EIF2S2: variants seen among roughly 807,000 people sequenced by gnomAD.
EIF2S2 encodes eukaryotic translation initiation factor 2 subunit beta.
A neutral mutation model predicts 44.0 loss-of-function variants in EIF2S2; 4 were observed. The observed-to-expected ratio is 0.09, with a 90% confidence interval of 0.04 to 0.21. EIF2S2 has a LOEUF of 0.21. EIF2S2 is among the 10% of genes least tolerant of loss of function. The pLI is 1.00. For missense variants in EIF2S2, 154 were observed against 392.0 expected (o/e 0.39, Z 5.13); for synonymous variants, 108 against 128.3 (o/e 0.84, Z 1.07).
At chr20:34,097,626 A>G (rs2034245702) in intron 4 of EIF2S2, 110 bp from the exon 5 acceptor site, 14 of 777,342 alleles carry the variant, frequency 1.8e-5, no homozygotes, top group Non-Finnish European at 2.7e-5. Context: ...TCCCTTCCAC[A>G]GCTGCATTCA....
At chr20:34,106,919 C>T (rs572300886) in intron 1 of EIF2S2, among the ~76,000 whole-genome samples, 3 of 152,312 alleles carry the variant, frequency 2.0e-5, no homozygotes, top group Admixed American at 6.5e-5. Context: ...CGGTGGCTCA[C>T]GCCTGTAATC....
intron 1 of EIF2S2, among the ~76,000 whole-genome samples, chr20:34,109,733 C>G (rs6142100): frequency 0.42 from 64,329 of 151,462 alleles, 16,314 homozygotes; most frequent in South Asian, 0.64. Flanking sequence ...TATGTTTTGG[C>G]AAGTTTCTGG....
intron 6 of EIF2S2, among the ~76,000 whole-genome samples, chr20:34,095,604 G>A (rs1014130977): frequency 1.3e-5 from 2 of 152,102 alleles, no homozygotes; most frequent in African/African-American, 4.8e-5. Context: ...GAGCTACTGC[G>A]CCCAGCAGTT....
In EIF2S2 at chr20:34,098,581, A is replaced by G; in HGVS notation, c.350T>C (p.Leu117Pro). ...CTTTTTATTGCCAAGCATAATGTCA[A>G]GGTCATCCTCTGGTTCAGTTGGTTC... The part of the protein sequence containing the change: ...VQEPTEPEDD[L>P]DIMLGNKKKK... The change falls in exon 4 of 9, where the codon CTT (leucine) becomes CCT (proline). Residue 117 changes from leucine (L) to proline (P), a missense_variant. This residue lies in a region of EIF2S2 where 134 missense variants were observed against 225.0 expected (regional missense o/e 0.60). Transcript: ENST00000374980. The G allele has an allele frequency of 6.2e-7, 1 of 1,614,026 alleles. No homozygotes were observed. Among genetic ancestry groups the G allele is most frequent in the Non-Finnish European group, 8.5e-7 (1 of 1,180,006 alleles).
chr20:34,112,029 C>G, intron 1 of EIF2S2, 67 bp downstream of exon 1: 1 of 1,345,534 alleles, frequency 7.4e-7, no homozygotes. Flanking sequence ...GGCCCGTTCT[C>G]CCACACTGGA....
chr20:34,093,434 T>C (rs999005897), intron 7 of EIF2S2, among the ~76,000 whole-genome samples: 1 of 152,238 alleles, frequency 6.6e-6, no homozygotes, highest in African/African-American at 2.4e-5. Flanking sequence ...AGTCTAAACA[T>C]GGCAGTTCTG....
intron 5 of EIF2S2, 137 bp from the exon 6 acceptor site, chr20:34,096,942 C>T: frequency 1.0e-6 from 1 of 962,074 alleles, no homozygotes; most frequent in Non-Finnish European, 1.6e-6. Context: ...AGTCTGGGAG[C>T]TCCTTGAGGG....
intron 4 of EIF2S2, among the ~76,000 whole-genome samples, chr20:34,097,982 A>T (rs2034250310): frequency 6.6e-6 from 1 of 152,214 alleles, no homozygotes; most frequent in African/African-American, 2.4e-5. Flanking sequence ...GCTGTGGCTC[A>T]CACCTGTAAT....
chr20:34,097,277 G>A, intron 5 of EIF2S2, 139 bp downstream of exon 5: 1 of 719,380 alleles, frequency 1.4e-6, no homozygotes, highest in Non-Finnish European at 2.3e-6. Context: ...AGGAATTGCT[G>A]TGCACTGGCT....
At position 34,098,368 on chromosome 20, in the gene EIF2S2, G is replaced by A. The variant is rs574853657; in HGVS notation, c.433+130C>T. ...ATCAAGCCAAACACTGTTTCCTTTC[G>A]CTTCCATTATCAGTCAGTAGAAATA... On this transcript the variant is annotated intron_variant, in intron 4 of 8. Coordinates refer to ENST00000374980, the MANE Select transcript of EIF2S2 (RefSeq NM_003908.5). The A allele has an allele frequency of 4.0e-5, 38 of 941,404 alleles. No homozygotes were observed. The Admixed American group carries it at 5.9e-4, about 15-fold the overall frequency. 58.3% of individuals were successfully genotyped at this position (941,404 alleles called of 1,614,324 possible).
At chr20:34,103,608 G>A (rs1162301222) in intron 2 of EIF2S2, 43 bp from the exon 3 acceptor site, 1 of 1,484,400 alleles carries the variant, frequency 6.7e-7, no homozygotes, top group African/African-American at 1.4e-5. Flanking sequence ...AAAAGGCAAA[G>A]CATCAAATTA....
intron 1 of EIF2S2, 25 bp from the exon 2 acceptor site, chr20:34,105,570 AG>A: frequency 6.6e-7 from 1 of 1,521,136 alleles, no homozygotes; most frequent in Non-Finnish European, 8.8e-7. Flanking sequence ...AAAAACAAAA[AG>A]GGACCAAATG....
At chr20:34,090,624 T>G in intron 7 of EIF2S2, 22 bp from the exon 8 acceptor site, 2 of 1,384,646 alleles carry the variant, frequency 1.4e-6, no homozygotes, top group Non-Finnish European at 2.0e-6. Context: ...AACAAAAATA[T>G]CTCCATTATT....
At chr20:34,106,845 A>C (rs577120747) in intron 1 of EIF2S2, among the ~76,000 whole-genome samples, 1 of 152,346 alleles carries the variant, frequency 6.6e-6, no homozygotes, top group Non-Finnish European at 1.5e-5. Flanking sequence ...TTATCTAGAC[A>C]TAATAGTTTA....
At chr20:34,093,760 T>C (rs1459662933) in intron 6 of EIF2S2, 29 bp from the exon 7 acceptor site, 2 of 1,558,550 alleles carry the variant, frequency 1.3e-6, no homozygotes, top group Non-Finnish European at 8.7e-7. Flanking sequence ...TATATAAACC[T>C]TATCTCTCAT....
intron 1 of EIF2S2, 32 bp downstream of exon 1, chr20:34,112,064 C>T (rs373739732): frequency 6.5e-7 from 1 of 1,531,030 alleles, no homozygotes; most frequent in South Asian, 1.2e-5. Flanking sequence ...TCGCCTCAAT[C>T]CTTAGCCCTT....
Position 34,104,119 on chromosome 20 carries a change from C to T in EIF2S2, c.194-554G>A, listed in dbSNP as rs1296271687. The stretch of plus-strand genomic sequence containing the variant: ...TATTTATTTAGTAATCTGACCATAT[C>T]ACTCTTCACTGTTCCCAAGACAAAG... On this transcript the variant is annotated intron_variant, in intron 2 of 8. Transcript: ENST00000374980. 2.0e-5 allele frequency among the ~76,000 whole-genome samples: 3 copies of T among 152,206 alleles called. No homozygotes were observed. The East Asian group carries it at 5.8e-4, about 29-fold the overall frequency.
intron 3 of EIF2S2, among the ~76,000 whole-genome samples, chr20:34,101,736 G>A (rs2034298367): frequency 6.7e-6 from 1 of 148,782 alleles, no homozygotes; most frequent in Non-Finnish European, 1.5e-5. Flanking sequence ...GTGCAGTGGC[G>A]CTATCTCAGC....
intron 1 of EIF2S2, among the ~76,000 whole-genome samples, chr20:34,110,424 A>G (rs1489356803): frequency 2.0e-5 from 3 of 152,182 alleles, no homozygotes; most frequent in Non-Finnish European, 4.4e-5. Context: ...TTCTTGTCCT[A>G]CTAACTTTCT....
Sources: gnomAD v4.1 joint callset for allele counts (sites outside exome capture counted in the v4.1 genomes callset) on GRCh38, gnomAD v4.1.1 for gene constraint, gnomAD v4.1.1 regional missense constraint, MANE v1.5 for transcripts, NCBI Gene and HGNC (gene_info 2026-07-23, HGNC 2026-07-21) for gene names.